Variants in RSPO2 observed in about 807,000 individuals in gnomAD.
RSPO2 encodes the protein R-spondin-2.
Under a neutral mutation model 30.9 loss-of-function variants are expected in RSPO2, and 14 were observed. The observed-to-expected ratio is 0.45, with a 90% CI of 0.30 to 0.71. The LOEUF is 0.71. Among genes scored for constraint, RSPO2 ranks in the 30% least tolerant of loss-of-function variants. The probability of loss-of-function intolerance (pLI) is 0.08; values close to 1 mark genes in which losing one functional copy is unlikely to be tolerated. For synonymous variants in RSPO2, 107 were observed against 96.4 expected, an observed-to-expected ratio of 1.11 and a Z score of -0.64; for missense variants, 264 against 301.9, an observed-to-expected ratio of 0.87 and a Z score of 0.93.
chr8:108,064,701 C>A (rs1411902283), intron 2 of RSPO2, among the ~76,000 whole-genome samples: 1 of 152,128 alleles, frequency 6.6e-6, no homozygotes, highest in Middle Eastern at 3.2e-3. Context: ...ATAAATCATG[C>A]TGCTATAAAG....
chr8:107,904,783 T>C lies in RSPO2; in HGVS notation c.617-3593A>G, dbSNP rs370767609. ...AAAGTTATGAGACACTGTGAAAAAG[T>C]TGTGGCCCTAGGATGAAAGGAAGAT... On this transcript the variant is annotated intron_variant, in intron 5 of 5. Coordinates refer to ENST00000276659, the MANE Select transcript of RSPO2 (RefSeq NM_178565.5). Among the ~76,000 whole-genome samples, 9 of 152,150 alleles carry C rather than the reference T, an allele frequency of 5.9e-5. No individual in the cohort carries two copies. The South Asian group carries it at 1.7e-3, about 28-fold the overall frequency.
intron 2 of RSPO2, among the ~76,000 whole-genome samples, chr8:108,046,926 T>C (rs1238444334): frequency 6.6e-6 from 1 of 152,104 alleles, no homozygotes; most frequent in African/African-American, 2.4e-5. Context: ...TATATAGTAA[T>C]CATTCCCAAG....
chr8:108,003,467 G>A (rs190208535), intron 2 of RSPO2, among the ~76,000 whole-genome samples: 42 of 150,844 alleles, frequency 2.8e-4, no homozygotes, highest in Non-Finnish European at 4.4e-4. Context: ...GTGAGCCACC[G>A]TGCCCGGCCT....
intron 3 of RSPO2, among the ~76,000 whole-genome samples, chr8:107,963,270 C>G (rs188776290): frequency 3.4e-5 from 5 of 149,076 alleles, no homozygotes; most frequent in Admixed American, 6.7e-5. Flanking sequence ...CATGGTAGCT[C>G]ACATCTGTAA....
At chr8:107,943,499 T>C (rs928106287) in intron 5 of RSPO2, among the ~76,000 whole-genome samples, 1 of 152,196 alleles carries the variant, frequency 6.6e-6, no homozygotes, top group Non-Finnish European at 1.5e-5. Context: ...ATGTTATAGT[T>C]TTGCAACTAG....
Position 108,023,143 on chromosome 8 carries a change from A to G in RSPO2, c.95-33899T>C, listed in dbSNP as rs768687060. Among the ~76,000 whole-genome samples, 68 of 152,322 alleles carry G rather than the reference A, an allele frequency of 4.5e-4. 1 individual carries two copies. Among genetic ancestry groups the G allele is most frequent in the Admixed American group, 3.9e-3 (59 of 15,302 alleles). ...TTCTTATAATAAAATGACTCAATCAAGTTTTCAAATTAAACTCCTTTAGCA... is the reference window on the plus strand; with the variant it reads ...TTCTTATAATAAAATGACTCAATCAGGTTTTCAAATTAAACTCCTTTAGCA... On this transcript the variant is annotated intron_variant, in intron 2 of 5. Transcript: ENST00000276659.
At chr8:108,006,959 C>T (rs1815472465) in intron 2 of RSPO2, among the ~76,000 whole-genome samples, 2 of 152,170 alleles carry the variant, frequency 1.3e-5, no homozygotes, top group African/African-American at 4.8e-5. Flanking sequence ...ACCCTATATT[C>T]TTCAGCATGT....
intron 5 of RSPO2, among the ~76,000 whole-genome samples, chr8:107,933,290 C>T (rs1812605094): frequency 6.6e-6 from 1 of 152,052 alleles, no homozygotes; most frequent in Admixed American, 6.6e-5. Flanking sequence ...CATGTTGAGC[C>T]TGCTATAAAA....
At chr8:108,015,060 G>A (rs1810840295) in intron 2 of RSPO2, among the ~76,000 whole-genome samples, 1 of 152,050 alleles carries the variant, frequency 6.6e-6, no homozygotes, top group Non-Finnish European at 1.5e-5. Flanking sequence ...TATTTTCTTT[G>A]TAGAAAAGTA....
intron 5 of RSPO2, among the ~76,000 whole-genome samples, chr8:107,905,611 C>T (rs967764661): frequency 7.2e-5 from 11 of 152,132 alleles, no homozygotes; most frequent in African/African-American, 2.6e-4. Context: ...GAGATTCAGT[C>T]ATTCTTCAAA....
At position 107,941,068 on chromosome 8, in the gene RSPO2, T is replaced by A. The variant is rs527457183; in HGVS notation, c.616+17012A>T. The stretch of plus-strand genomic sequence containing the variant: ...CATGGTTTTAAAATATTTGCTATAA[T>A]GAAAAACCACACATCTTACCCCCCA... On this transcript the variant is annotated intron_variant, in intron 5 of 5. Transcript: ENST00000276659. Among the ~76,000 whole-genome samples, 22 of 152,188 alleles carry A rather than the reference T, an allele frequency of 1.4e-4. No homozygotes were observed. In the South Asian group the frequency reaches 4.1e-3, roughly 29 times the overall value.
At chr8:108,044,715 T>G (rs375831953) in intron 2 of RSPO2, among the ~76,000 whole-genome samples, 121 of 152,260 alleles carry the variant, frequency 7.9e-4, no homozygotes, top group African/African-American at 2.8e-3. Flanking sequence ...TCTTTGGGTA[T>G]ATACGTGGTA....
Position 108,043,896 on chromosome 8 carries a change from T to C in RSPO2, c.94+38649A>G, listed in dbSNP as rs968095041. Among the ~76,000 whole-genome samples, 5 of 152,196 alleles carry C rather than the reference T, an allele frequency of 3.3e-5. No individual in the cohort carries two copies. The East Asian group carries it at 7.7e-4, about 24-fold the overall frequency. On this transcript the variant is annotated intron_variant, in intron 2 of 5. Transcript: ENST00000276659. ...CAGGAATTATTATCAAACTCAGCTT[T>C]AGAAATAAGTTTTTAAAAACCTCAG...
chr8:107,965,601 G>A (rs1457014901), intron 3 of RSPO2, among the ~76,000 whole-genome samples: 10 of 151,782 alleles, frequency 6.6e-5, no homozygotes, highest in Admixed American at 6.6e-4. Flanking sequence ...GGGTACATTA[G>A]AGACAGAAAA....
intron 2 of RSPO2, among the ~76,000 whole-genome samples, chr8:107,991,001 C>A (rs773069502): frequency 6.6e-6 from 1 of 152,170 alleles, no homozygotes; most frequent in African/African-American, 2.4e-5. Context: ...GAGGCCGAGG[C>A]AGGCAGATAA....
At chr8:107,909,202 A>C (rs1464529626) in intron 5 of RSPO2, among the ~76,000 whole-genome samples, 1 of 151,478 alleles carries the variant, frequency 6.6e-6, no homozygotes, top group Non-Finnish European at 1.5e-5. Context: ...GCTAATTAGA[A>C]GGGGAAACCT....
intron 2 of RSPO2, among the ~76,000 whole-genome samples, chr8:108,073,777 T>C (rs1034827108): frequency 5.9e-5 from 9 of 152,232 alleles, no homozygotes; most frequent in Admixed American, 4.6e-4. Context: ...CAAGTAATTA[T>C]TTACTGAAAT....
At chr8:107,942,939 A>C (rs78798675) in intron 5 of RSPO2, among the ~76,000 whole-genome samples, 4,694 of 152,338 alleles carry the variant, frequency 0.031, 103 homozygotes, top group Non-Finnish European at 0.049. Flanking sequence ...CTCAATATGG[A>C]AAATGCCAGC....
intron 5 of RSPO2, among the ~76,000 whole-genome samples, chr8:107,902,962 C>A (rs1811525332): frequency 6.6e-6 from 1 of 152,034 alleles, no homozygotes; most frequent in Non-Finnish European, 1.5e-5. Context: ...CCCCATGAAA[C>A]CTTAGTTCAA....
Sources: gnomAD v4.1 joint callset for allele counts (sites outside exome capture counted in the v4.1 genomes callset) on GRCh38, gnomAD v4.1.1 for gene constraint, MANE v1.5 for transcripts, NCBI Gene and HGNC (gene_info 2026-07-23, HGNC 2026-07-21) for gene names.